The following CCDC138 variants were observed in gnomAD, a reference collection of about 807,000 sequenced individuals.
The protein encoded by CCDC138 is coiled-coil domain-containing protein 138.
A neutral mutation model predicts 82.3 loss-of-function variants in CCDC138; 66 were observed. That is an observed-to-expected ratio of 0.80 (90% CI 0.66 to 0.98). The LOEUF is 0.98. Ranked by LOEUF, CCDC138 falls within the 50% of genes least tolerant of loss-of-function variation. The probability of loss-of-function intolerance (pLI) is 0.00; values close to 1 mark genes in which losing one functional copy is unlikely to be tolerated. For synonymous variants in CCDC138, 297 were observed against 265.4 expected (o/e 1.12, Z -1.16); for missense variants, 816 against 758.9 (o/e 1.08, Z -0.88).
chr2:108,814,780 C>T (rs554775411), intron 9 of CCDC138, among the ~76,000 whole-genome samples: 84 of 150,938 alleles, frequency 5.6e-4, no homozygotes, highest in African/African-American at 2.0e-3. Flanking sequence ...GGATTACAGG[C>T]GCCCACCACC....
chr2:108,884,658 A>G (rs567455264), intron 2 of CCDC138: 1 of 152,362 alleles, frequency 6.6e-6, no homozygotes, highest in Non-Finnish European at 1.5e-5. Context: ...GCCAAGGAGC[A>G]AATGACACAT....
intron 11 of CCDC138, among the ~76,000 whole-genome samples, chr2:108,840,853 C>T (rs1689345930): frequency 6.6e-6 from 1 of 150,808 alleles, no homozygotes; most frequent in Admixed American, 6.6e-5. Context: ...ACTCTCTTAC[C>T]TAGGCTGGAA....
intron 11 of CCDC138, among the ~76,000 whole-genome samples, chr2:108,843,944 T>G (rs1283835176): frequency 2.0e-5 from 3 of 147,696 alleles, no homozygotes; most frequent in African/African-American, 7.5e-5. Context: ...AGGCTGGAGT[T>G]CAGTGGCACA....
chr2:108,871,972 A>G (rs1353857797), intron 13 of CCDC138, among the ~76,000 whole-genome samples: 1 of 151,908 alleles, frequency 6.6e-6, no homozygotes, highest in African/African-American at 2.4e-5. Flanking sequence ...TTTTTTCTTA[A>G]TTTTGAATGA....
At chr2:108,821,025 A>AT (rs1387548468) in intron 10 of CCDC138, among the ~76,000 whole-genome samples, 2 of 151,808 alleles carry the variant, frequency 1.3e-5, no homozygotes, top group African/African-American at 4.8e-5. Context: ...TATTAAAAAA[A>AT]ACTGTAAGTC....
intron 13 of CCDC138, among the ~76,000 whole-genome samples, chr2:108,858,295 G>T (rs1181489733): frequency 6.6e-6 from 1 of 152,194 alleles, no homozygotes; most frequent in African/African-American, 2.4e-5. Context: ...AGTGAGCCAA[G>T]ATTGTGCCAC....
At position 108,794,529 on chromosome 2, in the gene CCDC138, T is replaced by G. The variant is rs1161379493; in HGVS notation, c.395-11T>G. The G allele has an allele frequency of 1.3e-6, 2 of 1,589,502 alleles. No individual in the cohort carries two copies. Among genetic ancestry groups the G allele is most frequent in the Non-Finnish European group, 1.7e-6 (2 of 1,166,902 alleles). The stretch of plus-strand genomic sequence containing the variant: ...ATAAAGTTTATAATGCAAATGTTAT[T>G]TTCTTTGCAGTTGCCTTGCCAACTA... On this transcript the variant is annotated splice_polypyrimidine_tract_variant and intron_variant, in intron 4 of 14. Transcript: ENST00000295124.
intron 13 of CCDC138, among the ~76,000 whole-genome samples, chr2:108,863,805 AT>A (rs1693985816): frequency 6.6e-6 from 1 of 152,206 alleles, no homozygotes; most frequent in Non-Finnish European, 1.5e-5. Flanking sequence ...CACTTCAGGG[AT>A]ATGTGGCACA....
At chr2:108,853,498 G>A (rs1247882233) in intron 12 of CCDC138, among the ~76,000 whole-genome samples, 3 of 150,906 alleles carry the variant, frequency 2.0e-5, no homozygotes, top group Non-Finnish European at 3.0e-5. Context: ...AACTTTATCT[G>A]ATAGAATTAT....
chr2:108,787,013 T>G (rs896645575), intron 1 of CCDC138, 98 bp downstream of exon 1: 8 of 739,374 alleles, frequency 1.1e-5, no homozygotes, highest in South Asian at 5.0e-5. Context: ...GCAGCGGCTC[T>G]GGTCCCGGCC....
intron 6 of CCDC138, among the ~76,000 whole-genome samples, chr2:108,804,051 G>A (rs1682433102): frequency 1.3e-5 from 2 of 151,990 alleles, no homozygotes; most frequent in Admixed American, 6.6e-5. Context: ...TAGATTCTCT[G>A]ATCTCTCCAT....
intron 10 of CCDC138, among the ~76,000 whole-genome samples, chr2:108,827,814 TAAAAAAA>T (rs11346556): frequency 7.5e-6 from 1 of 134,110 alleles, no homozygotes; most frequent in African/African-American, 2.8e-5. Context: ...AGAATATGTC[TAAAAAAA>T]AAAAAAAAAA....
chr2:108,878,909 A>G (rs182336614), downstream of CCDC138, among the ~76,000 whole-genome samples: 5 of 152,366 alleles, frequency 3.3e-5, no homozygotes, highest in African/African-American at 1.2e-4. Context: ...AATAGCATAA[A>G]TATTCTCAAA....
At chr2:108,871,834 C>T (rs75859335) in intron 13 of CCDC138, among the ~76,000 whole-genome samples, 2 of 152,042 alleles carry the variant, frequency 1.3e-5, no homozygotes, top group South Asian at 4.1e-4. Flanking sequence ...CATAGTTTAT[C>T]TTTTTACCTT....
intron 7 of CCDC138, among the ~76,000 whole-genome samples, chr2:108,811,801 T>C (rs1393682950): frequency 6.6e-6 from 1 of 152,156 alleles, no homozygotes; most frequent in Non-Finnish European, 1.5e-5. Context: ...GTATCTGTTA[T>C]TTCCATCTTT....
At chr2:108,810,925 A>C (rs1381441546) in intron 7 of CCDC138, among the ~76,000 whole-genome samples, 2 of 152,088 alleles carry the variant, frequency 1.3e-5, no homozygotes, top group African/African-American at 4.8e-5. Context: ...ATATGTGCCT[A>C]GGAGTTTATC....
rs1379925237 is a variant in CCDC138 at position 108,798,513 on chromosome 2, G to C, written c.662G>C (p.Arg221Thr). 2 of 1,613,746 alleles carry C rather than the reference G, an allele frequency of 1.2e-6. No individual in the cohort carries two copies. Among genetic ancestry groups the C allele is most frequent in the East Asian group, 2.2e-5 (1 of 44,862 alleles). The change falls in exon 6 of 15, where the codon AGA becomes ACA. Residue 221 changes from arginine (R) to threonine (T), a missense_variant. Coordinates refer to ENST00000295124, the MANE Select transcript of CCDC138 (RefSeq NM_144978.3). Reference protein sequence around the residue: ...FLLEREQLLFRHENALSKIKG... With the variant: ...FLLEREQLLFTHENALSKIKG... ...CTTGAAAGAGAACAACTGCTTTTCA[G>C]ACATGAAAATGCCTTGAGTAAAATT...
chr2:108,791,373 A>G (rs1303839959), intron 3 of CCDC138, among the ~76,000 whole-genome samples: 1 of 152,186 alleles, frequency 6.6e-6, no homozygotes, highest in Non-Finnish European at 1.5e-5. Flanking sequence ...TACCTTATAG[A>G]TAACAGATTA....
chr2:108,881,005 G>A (rs1168090378), downstream of CCDC138, among the ~76,000 whole-genome samples: 2 of 152,194 alleles, frequency 1.3e-5, no homozygotes, highest in Non-Finnish European at 2.9e-5. Flanking sequence ...CAATACTCAC[G>A]AATGACTTTG....
Sources: allele counts gnomAD v4.1 joint callset (sites outside exome capture counted in the v4.1 genomes callset), GRCh38; gene constraint gnomAD v4.1.1; transcripts MANE v1.5; gene names NCBI Gene and HGNC (gene_info 2026-07-23, HGNC 2026-07-21).